Variants in TENM3 observed in about 807,000 individuals in gnomAD.
The protein encoded by TENM3 is teneurin transmembrane protein 3.
A neutral mutation model predicts 255.1 loss-of-function variants in TENM3; 63 were observed. That is an observed-to-expected ratio of 0.25 (90% CI 0.20 to 0.30). The LOEUF (loss-of-function observed/expected upper bound fraction) is 0.30, where lower values mean the gene tolerates loss of function less well. Ranked by LOEUF, TENM3 falls within the 10% of genes least tolerant of loss-of-function variation. The probability of loss-of-function intolerance (pLI) is 1.00; values close to 1 mark genes in which losing one functional copy is unlikely to be tolerated. For synonymous variants in TENM3, 1,306 were observed against 1,322.3 expected (o/e 0.99, Z 0.27); for missense variants, 2,929 against 3,461.1 (o/e 0.85, Z 3.86).
chr4:182,699,422 A>G (rs1757678995), intron 12 of TENM3, among the ~76,000 whole-genome samples: 1 of 152,188 alleles, frequency 6.6e-6, no homozygotes, highest in African/African-American at 2.4e-5. Context: ...CCCACTGTGA[A>G]ATTAATGGTT....
the TENM3 span, among the ~76,000 whole-genome samples, chr4:181,721,398 G>T: frequency 0.69 from 103,512 of 149,828 alleles, 37,585 homozygotes; most frequent in East Asian, 0.81. Context: ...AAGTGGAGTG[G>T]GTCCTGGCTA....
intron 3 of TENM3, among the ~76,000 whole-genome samples, chr4:182,553,580 T>G (rs1275039265): frequency 6.6e-6 from 1 of 152,132 alleles, no homozygotes; most frequent in East Asian, 1.9e-4. Flanking sequence ...TTACTAGAGA[T>G]AAACTTAAGA....
At chr4:181,995,497 T>C in the TENM3 span, among the ~76,000 whole-genome samples, 1 of 152,136 alleles carries the variant, frequency 6.6e-6, no homozygotes, top group Non-Finnish European at 1.5e-5. Context: ...CAAGTAACTC[T>C]CAAATGGCAA....
chr4:182,639,165 T>C (rs538824926), intron 5 of TENM3, among the ~76,000 whole-genome samples: 1 of 152,244 alleles, frequency 6.6e-6, no homozygotes, highest in Non-Finnish European at 1.5e-5. Flanking sequence ...CACACTCTTA[T>C]ATGACAAGAT....
At chr4:182,463,709 G>A (rs1243721841) in intron 3 of TENM3, among the ~76,000 whole-genome samples, 1 of 151,202 alleles carries the variant, frequency 6.6e-6, no homozygotes, top group Non-Finnish European at 1.5e-5. Context: ...CCGCAACCTC[G>A]GCCTCCTGGG....
chr4:182,738,626 A>AT, intron 18 of TENM3, 82 bp downstream of exon 18: 1 of 1,200,698 alleles, frequency 8.3e-7, no homozygotes, highest in Admixed American at 2.7e-5. Context: ...AACTCATGAG[A>AT]TTGTAGCAAC....
intron 3 of TENM3, among the ~76,000 whole-genome samples, chr4:182,458,825 G>A (rs996237683): frequency 6.6e-6 from 1 of 152,106 alleles, no homozygotes; most frequent in Non-Finnish European, 1.5e-5. Context: ...AGAAATCCTA[G>A]GAAAAAAGGA....
At chr4:182,044,576 C>T in the TENM3 span, among the ~76,000 whole-genome samples, 1 of 152,164 alleles carries the variant, frequency 6.6e-6, no homozygotes, top group African/African-American at 2.4e-5. Flanking sequence ...TGCTCGTTTA[C>T]GAGAGGTGGT....
At chr4:181,519,936 G>A in the TENM3 span, among the ~76,000 whole-genome samples, 4 of 152,248 alleles carry the variant, frequency 2.6e-5, no homozygotes, top group Non-Finnish European at 4.4e-5. Flanking sequence ...TGACTCGTTC[G>A]GCACATGCAA....
At chr4:181,521,963 C>T in the TENM3 span, among the ~76,000 whole-genome samples, 15 of 151,570 alleles carry the variant, frequency 9.9e-5, no homozygotes, top group Non-Finnish European at 1.8e-4. Context: ...TAGCCAGGCA[C>T]GGTGGCGGGC....
the TENM3 span, among the ~76,000 whole-genome samples, chr4:181,822,451 GGA>G: frequency 2.8e-4 from 43 of 152,284 alleles, no homozygotes; most frequent in East Asian, 6.6e-3. Context: ...ACTTATTTAA[GGA>G]GAGAGTGTTA....
At chr4:182,242,751 GC>G (rs2150073717), upstream of TENM3, among the ~76,000 whole-genome samples, 1 of 152,168 alleles carries the variant, frequency 6.6e-6, no homozygotes, top group South Asian at 2.1e-4. Flanking sequence ...ACAGACTGAG[GC>G]CCTGTCTCAA....
At chr4:182,551,561 T>G (rs963195836) in intron 3 of TENM3, among the ~76,000 whole-genome samples, 8 of 151,996 alleles carry the variant, frequency 5.3e-5, no homozygotes, top group East Asian at 1.9e-4. Flanking sequence ...AAGAGAGAGA[T>G]AATAATATAG....
the TENM3 span, among the ~76,000 whole-genome samples, chr4:181,523,725 G>A: frequency 6.6e-6 from 1 of 152,176 alleles, no homozygotes; most frequent in African/African-American, 2.4e-5. Context: ...TAACCAAGAG[G>A]AGAGTATGAT....
the TENM3 span, among the ~76,000 whole-genome samples, chr4:181,450,818 A>G: frequency 6.6e-6 from 1 of 152,240 alleles, no homozygotes; most frequent in Non-Finnish European, 1.5e-5. Flanking sequence ...TCTCACTTTG[A>G]ATATGCTACT....
At chr4:182,107,002 G>T in the TENM3 span, among the ~76,000 whole-genome samples, 2 of 152,046 alleles carry the variant, frequency 1.3e-5, no homozygotes, top group African/African-American at 4.8e-5. Context: ...CTTACCTCCC[G>T]TCAAATGCCT....
the TENM3 span, among the ~76,000 whole-genome samples, chr4:181,853,924 G>T: frequency 1.1e-4 from 17 of 152,270 alleles, no homozygotes; most frequent in Admixed American, 9.2e-4. Context: ...TGCTATAGAA[G>T]ATTTTGTTGA....
chr4:182,437,528 G>A (rs1373298246), intron 3 of TENM3, among the ~76,000 whole-genome samples: 2 of 152,016 alleles, frequency 1.3e-5, no homozygotes, highest in Admixed American at 6.6e-5. Context: ...TGGGTGCGGT[G>A]GCTCATGCCT....
intron 1 of TENM3, among the ~76,000 whole-genome samples, chr4:182,323,539 A>G (rs1451006930): frequency 6.6e-6 from 1 of 152,216 alleles, no homozygotes; most frequent in Non-Finnish European, 1.5e-5. Flanking sequence ...CGTTTATAAG[A>G]AAATGAAAGG....
Sources: gnomAD v4.1 joint callset for allele counts (sites outside exome capture counted in the v4.1 genomes callset) on GRCh38, gnomAD v4.1.1 for gene constraint, MANE v1.5 for transcripts, NCBI Gene and HGNC (gene_info 2026-07-23, HGNC 2026-07-21) for gene names.